Variants in NTAQ1 observed in about 807,000 individuals in gnomAD.
NTAQ1 encodes N-terminal glutamine amidase 1, also known as protein N-terminal glutamine amidohydrolase.
In NTAQ1, 21 loss-of-function variants were observed where a neutral mutation model predicts 28.2. The ratio of observed to expected loss-of-function variants is 0.74; its 90% confidence interval spans 0.53 to 1.07. The LOEUF (loss-of-function observed/expected upper bound fraction) is 1.07, where lower values mean the gene tolerates loss of function less well. Ranked by LOEUF, NTAQ1 falls within the 50% of genes least tolerant of loss-of-function variation. NTAQ1 has a pLI of 0.00. For missense variants in NTAQ1, 264 were observed against 256.6 expected (o/e 1.03, Z -0.20); for synonymous variants, 105 against 90.0 (o/e 1.17, Z -0.94).
chr8:123,431,885 G>C (rs540645513), intron 3 of NTAQ1, among the ~76,000 whole-genome samples: 1 of 152,188 alleles, frequency 6.6e-6, no homozygotes, highest in South Asian at 2.1e-4. Context: ...TAGATGGTCC[G>C]TGTGCACGAG....
In NTAQ1 at chr8:123,434,496, G is replaced by A. The variant is rs890826766; in HGVS notation, c.235-1957G>A. On this transcript the variant is annotated intron_variant, in intron 3 of 5. Coordinates refer to ENST00000287387, the MANE Select transcript of NTAQ1 (RefSeq NM_018024.3). ...ACAAAAATTAGCTGGGTGTGGTGGC[G>A]CGCCTGTAATCCCAGCTACTCGGGA... 3.3e-5 allele frequency among the ~76,000 whole-genome samples: 5 copies of A among 151,918 alleles called. No individual in the cohort carries two copies. The South Asian group carries it at 6.2e-4, about 19-fold the overall frequency.
At chr8:123,463,787 G>A (rs1384811869) in intron 6 of NTAQ1, among the ~76,000 whole-genome samples, 1 of 152,168 alleles carries the variant, frequency 6.6e-6, no homozygotes, top group Non-Finnish European at 1.5e-5. Context: ...TCCCTACTCA[G>A]CCAATCCCCA....
At chr8:123,423,193 T>TCTTC (rs1813816592) in intron 1 of NTAQ1, among the ~76,000 whole-genome samples, 1 of 151,946 alleles carries the variant, frequency 6.6e-6, no homozygotes, top group Non-Finnish European at 1.5e-5. Context: ...ACTCGCTTGC[T>TCTTC]CTTCCTTCCT....
intron 1 of NTAQ1, 100 bp downstream of exon 1, chr8:123,417,032 C>G: frequency 8.5e-7 from 1 of 1,176,132 alleles, no homozygotes. Flanking sequence ...GGGGCGCTCC[C>G]GGCCTCTACC....
chr8:123,440,647 G>A (rs571341193), intron 5 of NTAQ1, among the ~76,000 whole-genome samples: 7 of 151,274 alleles, frequency 4.6e-5, no homozygotes, highest in African/African-American at 1.7e-4. Context: ...TTAGAGAGGT[G>A]TGCCACCATA....
chr8:123,436,667 CT>C (rs10590897), intron 4 of NTAQ1, 66 bp downstream of exon 4: 24,307 of 1,295,920 alleles, frequency 0.019, 9 homozygotes, highest in East Asian at 0.022. Flanking sequence ...CACAGAGGTT[CT>C]TTTTTTTTTT....
At chr8:123,474,764 A>C (rs983631168), downstream of NTAQ1, among the ~76,000 whole-genome samples, 1 of 152,126 alleles carries the variant, frequency 6.6e-6, no homozygotes, top group South Asian at 2.1e-4. Flanking sequence ...GTGTGCGCCT[A>C]TAATCCCAGC....
At chr8:123,468,218 G>A (rs73705925) in exon 7 of NTAQ1, among the ~76,000 whole-genome samples, 2,633 of 152,256 alleles carry the variant, frequency 0.017, 69 homozygotes, top group African/African-American at 0.06. Context: ...CTTTATTTAT[G>A]TATTTATCTA....
rs749609161 is a variant in NTAQ1 at position 123,419,888 on chromosome 8, A to T, written c.83+2956A>T. On this transcript the variant is annotated intron_variant, in intron 1 of 5. Transcript: ENST00000287387. Reference sequence around the variant, plus strand: ...TAAAGAACATTTCAGATATTATCCAATCACATATTTTGTTTGAGTTTTTTT... The same window carrying T: ...TAAAGAACATTTCAGATATTATCCATTCACATATTTTGTTTGAGTTTTTTT... Among the ~76,000 whole-genome samples, 86 of 151,378 alleles carry T rather than the reference A, an allele frequency of 5.7e-4. No individual in the cohort carries two copies. In the Middle Eastern group the frequency reaches 0.01, roughly 18 times the overall value.
At chr8:123,448,554 G>C (rs12547262), downstream of NTAQ1, among the ~76,000 whole-genome samples, 44,427 of 152,148 alleles carry the variant, frequency 0.29, 7,177 homozygotes, top group South Asian at 0.45. Context: ...GGGAGGTGGA[G>C]GTTGCAGTGA....
downstream of NTAQ1, among the ~76,000 whole-genome samples, chr8:123,446,735 A>G (rs942037382): frequency 2.0e-5 from 3 of 152,214 alleles, no homozygotes; most frequent in African/African-American, 7.2e-5. Context: ...TAATCTGCTC[A>G]GCCCTGATCT....
chr8:123,467,543 T>C (rs1374491471), exon 7 of NTAQ1, among the ~76,000 whole-genome samples: 1 of 152,254 alleles, frequency 6.6e-6, no homozygotes, highest in Middle Eastern at 3.2e-3. Context: ...GTCTTTAAGC[T>C]TGGCTTTAGT....
chr8:123,473,594 A>G (rs1816063158), downstream of NTAQ1, among the ~76,000 whole-genome samples: 2 of 152,166 alleles, frequency 1.3e-5, no homozygotes, highest in South Asian at 2.1e-4. Context: ...CCCGGCCTGT[A>G]TTTTTGAATT....
chr8:123,423,461 C>G (rs535424657), intron 1 of NTAQ1, among the ~76,000 whole-genome samples: 86 of 136,400 alleles, frequency 6.3e-4, no homozygotes, highest in Non-Finnish European at 1.3e-3. Context: ...CTTTTTCTTT[C>G]CGGAGGGTCT....
At chr8:123,455,717 G>A (rs1815631263) in intron 6 of NTAQ1, among the ~76,000 whole-genome samples, 2 of 152,034 alleles carry the variant, frequency 1.3e-5, no homozygotes, top group Admixed American at 6.6e-5. Context: ...GAGCCACCGC[G>A]CCCAGCCGAA....
Position 123,441,514 on chromosome 8 carries a change from A to G in NTAQ1, c.*99A>G. 2 of 891,288 alleles carry G rather than the reference A, an allele frequency of 2.2e-6. No homozygotes were observed. Among genetic ancestry groups the G allele is most frequent in the South Asian group, 3.2e-5 (2 of 61,924 alleles). The allele number at this position is 891,288 out of a possible 1,614,324, so 55.2% of individuals were successfully genotyped here. A position where few individuals can be genotyped will look rare whatever the true frequency, so the allele number is the denominator to read the frequency against. On this transcript the variant is annotated 3_prime_UTR_variant, in exon 6 of 6. Coordinates refer to ENST00000287387, the MANE Select transcript of NTAQ1 (RefSeq NM_018024.3). Reference sequence around the variant, plus strand: ...AACATTATGGTACAGTTGGCTTGGAATTATGTCTTTCTCTTTTAATTTGAT... The same window carrying G: ...AACATTATGGTACAGTTGGCTTGGAGTTATGTCTTTCTCTTTTAATTTGAT...
Position 123,455,565 on chromosome 8 carries a change from C to T in NTAQ1, c.373-11514C>T, listed in dbSNP as rs528187010. Among the ~76,000 whole-genome samples, 4 of 151,760 alleles carry T rather than the reference C, an allele frequency of 2.6e-5. No homozygotes were observed. The South Asian group carries it at 8.3e-4, about 32-fold the overall frequency. On this transcript the variant is annotated intron_variant, in intron 6 of 6. Coordinates refer to the NTAQ1 transcript ENST00000650311. Reference sequence around the variant, plus strand: ...TCAGCTTCCTGAGTAGCTGAGACTACAGGCGTGTGCCACCACGCCTGGCTA... The same window carrying T: ...TCAGCTTCCTGAGTAGCTGAGACTATAGGCGTGTGCCACCACGCCTGGCTA...
intron 5 of NTAQ1, among the ~76,000 whole-genome samples, chr8:123,440,745 C>T (rs1815014591): frequency 6.6e-6 from 1 of 152,036 alleles, no homozygotes; most frequent in Non-Finnish European, 1.5e-5. Context: ...AAGTGATCTG[C>T]CCACCTCGGC....
rs1240928588 is a variant in NTAQ1 at position 123,441,984 on chromosome 8, A to G, written c.*569A>G. On this transcript the variant is annotated 3_prime_UTR_variant, in exon 6 of 6. Coordinates refer to ENST00000287387, the MANE Select transcript of NTAQ1 (RefSeq NM_018024.3). ...CTCAGACTTGAGCGTTAATTGGCTT[A>G]TTTATTTATGGCTTTAAATAAAATC... 6.5e-6 allele frequency: 1 copy of G among 152,694 alleles called. No homozygotes were observed. The highest frequency in any genetic ancestry group is 2.4e-5 in the African/African-American group (1 of 41,468). The allele number at this position is 152,694 out of a possible 1,614,324, so 9.5% of individuals were successfully genotyped here.
Sources: gnomAD v4.1 joint callset for allele counts (sites outside exome capture counted in the v4.1 genomes callset) on GRCh38, gnomAD v4.1.1 for gene constraint, MANE v1.5 for transcripts, NCBI Gene and HGNC (gene_info 2026-07-23, HGNC 2026-07-21) for gene names.